Variants in GDPD4 observed in about 807,000 individuals in gnomAD.
GDPD4 encodes glycerophosphodiester phosphodiesterase 6.
Under a neutral mutation model 67.8 loss-of-function variants are expected in GDPD4, and 60 were observed. That is an observed-to-expected ratio of 0.88 (90% CI 0.72 to 1.10). The LOEUF (loss-of-function observed/expected upper bound fraction) is 1.10. Among genes scored for constraint, GDPD4 ranks in the 50% least tolerant of loss-of-function variants. The probability of loss-of-function intolerance (pLI) is 0.00; values close to 1 mark genes in which losing one functional copy is unlikely to be tolerated. For missense variants in GDPD4, 623 were observed against 613.9 expected, an observed-to-expected ratio of 1.01 and a Z score of -0.16; for synonymous variants, 212 against 210.9, an observed-to-expected ratio of 1.00 and a Z score of -0.04.
At chr11:77,260,334 G>C (rs1442576647) in intron 10 of GDPD4, among the ~76,000 whole-genome samples, 1 of 148,312 alleles carries the variant, frequency 6.7e-6, no homozygotes, top group African/African-American at 2.6e-5. Flanking sequence ...GGGGAGGGGG[G>C]GGAATAATTT....
At chr11:77,218,201 T>G (rs1958161844) in intron 16 of GDPD4, among the ~76,000 whole-genome samples, 1 of 152,042 alleles carries the variant, frequency 6.6e-6, no homozygotes, top group Admixed American at 6.5e-5. Context: ...TTCTAATTCA[T>G]GAACATGATT....
Position 77,271,049 on chromosome 11 carries a change from A to G in GDPD4, c.400+81T>C. ...GAGGCATAGGGGTGGCTAGTTCCCA[A>G]GCTTCTGTTTTCCTGAGTGGAGTAT... On this transcript the variant is annotated intron_variant, in intron 7 of 16. Transcript: ENST00000315938. The G allele has an allele frequency of 6.2e-6, 6 of 970,458 alleles. No homozygotes were observed. In the South Asian group the frequency reaches 8.6e-5, roughly 14 times the overall value. The allele number at this position is 970,458 out of a possible 1,614,324, so 60.1% of individuals were successfully genotyped here.
At chr11:77,280,611 C>T (rs1029705380) in intron 3 of GDPD4, among the ~76,000 whole-genome samples, 1 of 152,138 alleles carries the variant, frequency 6.6e-6, no homozygotes, top group Non-Finnish European at 1.5e-5. Flanking sequence ...TTATTTTAAT[C>T]CCTTTCTACC....
chr11:77,260,438 C>G (rs80276887), intron 10 of GDPD4, among the ~76,000 whole-genome samples: 2,621 of 152,142 alleles, frequency 0.017, 80 homozygotes, highest in African/African-American at 0.059. Context: ...CTGGAAGTAA[C>G]AACTATCTGC....
In GDPD4 at chr11:77,269,998, T is replaced by C. The variant is rs767436778; in HGVS notation, c.401-38A>G. ...AAGTGAAAAAGAAAAGAGTTCATTA[T>C]TGTCCCCTTTAAGCCCTTGCCCCAG... On this transcript the variant is annotated intron_variant, in intron 7 of 16. Coordinates refer to ENST00000315938, the MANE Select transcript of GDPD4 (RefSeq NM_182833.3). 1.9e-5 allele frequency: 20 copies of C among 1,070,106 alleles called. No homozygotes were observed. The East Asian group carries it at 4.3e-4, about 23-fold the overall frequency. The allele number at this position is 1,070,106 out of a possible 1,614,324, so 66.3% of individuals were successfully genotyped here.
At position 77,217,158 on chromosome 11, in the gene GDPD4, T is replaced by G. The variant is rs146028525; in HGVS notation, c.*119A>C. The stretch of plus-strand genomic sequence containing the variant: ...AGTTTCTTGGATGGTGCTGCAAAAT[T>G]GAAATGGCCTTGGTGTTCCTTTCCA... On this transcript the variant is annotated 3_prime_UTR_variant, in exon 17 of 17. Coordinates refer to ENST00000315938, the MANE Select transcript of GDPD4 (RefSeq NM_182833.3). The G allele has an allele frequency of 0.012, 9,968 of 801,494 alleles. 99 individuals are homozygous for G. The highest frequency in any genetic ancestry group is 0.015 in the Middle Eastern group (67 of 4,512). 49.6% of individuals were successfully genotyped at this position (801,494 alleles called of 1,614,324 possible). A position where few individuals can be genotyped will look rare whatever the true frequency, so the allele number is the denominator to read the frequency against.
intron 7 of GDPD4, 104 bp downstream of exon 7, chr11:77,271,026 G>A: frequency 5.3e-6 from 4 of 750,382 alleles, no homozygotes; most frequent in Non-Finnish European, 9.2e-6. Context: ...ATTTCAACGA[G>A]GCATAGGGGT....
At chr11:77,251,951 T>G (rs1208464494) in intron 11 of GDPD4, among the ~76,000 whole-genome samples, 1 of 152,154 alleles carries the variant, frequency 6.6e-6, no homozygotes, top group Non-Finnish European at 1.5e-5. Context: ...GAGATTCTTC[T>G]GCTGAAACAA....
At chr11:77,280,793 T>A (rs1447072092) in intron 3 of GDPD4, among the ~76,000 whole-genome samples, 1 of 152,136 alleles carries the variant, frequency 6.6e-6, no homozygotes, top group Admixed American at 6.5e-5. Flanking sequence ...CTTCTTCCCA[T>A]CCGGGTAAGT....
chr11:77,225,255 C>T (rs528038238), intron 16 of GDPD4, among the ~76,000 whole-genome samples: 7 of 150,332 alleles, frequency 4.7e-5, no homozygotes, highest in Non-Finnish European at 1.0e-4. Context: ...GAGCTGAGAT[C>T]ATGCCACTGC....
chr11:77,243,963 G>A, intron 12 of GDPD4, 115 bp from the exon 13 acceptor site: 3 of 645,872 alleles, frequency 4.6e-6, no homozygotes, highest in Non-Finnish European at 8.1e-6. Flanking sequence ...ACAGAGAGTA[G>A]AGAGAGAGAG....
rs570044763 is a variant in GDPD4 at position 77,268,753 on chromosome 11, G to A, written c.624+171C>T. 7.9e-5 allele frequency among the ~76,000 whole-genome samples: 12 copies of A among 152,278 alleles called. No individual in the cohort carries two copies. In the South Asian group the frequency reaches 1.7e-3, roughly 21 times the overall value. On this transcript the variant is annotated intron_variant, in intron 9 of 16. Coordinates refer to ENST00000315938, the MANE Select transcript of GDPD4 (RefSeq NM_182833.3). ...GGGCACAGTAAAGAGAAATGGACTG[G>A]GAGTTAGGTGGCCTGGATTCAAGTC...
intron 3 of GDPD4, among the ~76,000 whole-genome samples, chr11:77,283,518 T>C (rs1389879113): frequency 6.6e-6 from 1 of 151,920 alleles, no homozygotes; most frequent in Non-Finnish European, 1.5e-5. Flanking sequence ...TTTATAAATA[T>C]AAATAAATAA....
At chr11:77,295,282 C>G (rs1223889604) in intron 1 of GDPD4, among the ~76,000 whole-genome samples, 1 of 151,718 alleles carries the variant, frequency 6.6e-6, no homozygotes, top group Non-Finnish European at 1.5e-5. Flanking sequence ...GCCACCACAC[C>G]CAGCCCACAA....
intron 1 of GDPD4, among the ~76,000 whole-genome samples, chr11:77,293,171 A>T (rs547705629): frequency 3.3e-5 from 5 of 152,214 alleles, no homozygotes; most frequent in Non-Finnish European, 7.3e-5. Context: ...CCAGACAAAG[A>T]TATCCTGAAA....
At chr11:77,225,793 G>A (rs899359578) in intron 16 of GDPD4, among the ~76,000 whole-genome samples, 2 of 152,140 alleles carry the variant, frequency 1.3e-5, no homozygotes, top group Non-Finnish European at 2.9e-5. Flanking sequence ...GGTGGCATGG[G>A]GCAACACATG....
chr11:77,224,578 C>T (rs541636764), intron 16 of GDPD4, among the ~76,000 whole-genome samples: 1 of 152,132 alleles, frequency 6.6e-6, no homozygotes, highest in South Asian at 2.1e-4. Flanking sequence ...CTGCTAACAG[C>T]CATTGAGAAA....
chr11:77,249,846 A>G (rs1958854010), intron 11 of GDPD4, among the ~76,000 whole-genome samples: 1 of 152,190 alleles, frequency 6.6e-6, no homozygotes, highest in Non-Finnish European at 1.5e-5. Context: ...TGCTTTTGCT[A>G]TATCCCATAA....
rs1301401679 is a variant in GDPD4, at chr11:77,296,164, T to C, written c.-254+5441A>G. 2.8e-5 allele frequency among the ~76,000 whole-genome samples: 4 copies of C among 143,088 alleles called. No individual in the cohort carries two copies. In the East Asian group the frequency reaches 8.5e-4, roughly 31 times the overall value. 93.9% of individuals were successfully genotyped at this position (143,088 alleles called of 152,430 possible). ...TACTCAGGAGGCTGAGGCAGGAGAA[T>C]GGCGTGAACCTGGGAGGTGGAGCTT... On this transcript the variant is annotated intron_variant, in intron 1 of 16. Coordinates refer to ENST00000315938, the MANE Select transcript of GDPD4 (RefSeq NM_182833.3).
Sources: allele counts gnomAD v4.1 joint callset (sites outside exome capture counted in the v4.1 genomes callset), GRCh38; gene constraint gnomAD v4.1.1; transcripts MANE v1.5; gene names NCBI Gene and HGNC (gene_info 2026-07-23, HGNC 2026-07-21).